The following ENPP2 variants were observed in gnomAD, a reference collection of about 807,000 sequenced individuals.
ENPP2 encodes the protein ectonucleotide pyrophosphatase/phosphodiesterase 2, also known as autotaxin.
In ENPP2, 51 loss-of-function variants were observed where a neutral mutation model predicts 120.2. The ratio of observed to expected loss-of-function variants is 0.42; its 90% CI spans 0.34 to 0.54. ENPP2 has a LOEUF of 0.54. ENPP2 is among the 20% of genes least tolerant of loss of function. The pLI, the probability that ENPP2 is intolerant of heterozygous loss-of-function variation, is 0.04. For synonymous variants in ENPP2, 365 were observed against 366.4 expected, an observed-to-expected ratio of 1.00 and a Z score of 0.04; for missense variants, 920 against 1,066.5, an observed-to-expected ratio of 0.86 and a Z score of 1.91.
chr8:119,652,220 T>C (rs1277710194), intron 1 of ENPP2, among the ~76,000 whole-genome samples: 1 of 152,110 alleles, frequency 6.6e-6, no homozygotes, highest in East Asian at 1.9e-4. Flanking sequence ...GTGGGGTCTT[T>C]TATATAAGAA....
chr8:119,581,771 T>TC (rs1812757041), intron 18 of ENPP2, among the ~76,000 whole-genome samples: 2 of 151,546 alleles, frequency 1.3e-5, no homozygotes, highest in Non-Finnish European at 2.9e-5. Context: ...TCCTTTTTTT[T>TC]TTTTTTGAGT....
At chr8:119,631,278 G>A (rs534014786) in intron 2 of ENPP2, among the ~76,000 whole-genome samples, 44 of 130,084 alleles carry the variant, frequency 3.4e-4, no homozygotes, top group Admixed American at 2.4e-3. Flanking sequence ...GTGCAGTGGC[G>A]CAATCTTGGC....
chr8:119,562,817 T>TA, intron 24 of ENPP2, 40 bp downstream of exon 24: 2 of 1,590,468 alleles, frequency 1.3e-6, no homozygotes, highest in Non-Finnish European at 1.7e-6. Context: ...GAAGGTGAAC[T>TA]ATGGAAGCAA....
intron 24 of ENPP2, 128 bp downstream of exon 24, chr8:119,562,729 C>T: frequency 2.1e-6 from 2 of 957,602 alleles, no homozygotes; most frequent in Non-Finnish European, 3.0e-6. Context: ...TGTTTGGTTC[C>T]TTTCTTTTTT....
At chr8:119,580,192 G>GA in intron 18 of ENPP2, 25 bp from the exon 19 acceptor site, 1 of 1,592,646 alleles carries the variant, frequency 6.3e-7, no homozygotes, top group South Asian at 1.1e-5. Context: ...ACCAGTAAAG[G>GA]AAAAAAGAAA....
intron 1 of ENPP2, among the ~76,000 whole-genome samples, chr8:119,653,053 A>T (rs544259067): frequency 6.6e-6 from 1 of 152,256 alleles, no homozygotes; most frequent in African/African-American, 2.4e-5. Context: ...GGCTTCTTTA[A>T]TAATGATTCC....
chr8:119,622,772 T>C (rs1300479881), intron 3 of ENPP2, among the ~76,000 whole-genome samples: 1 of 152,152 alleles, frequency 6.6e-6, no homozygotes, highest in Non-Finnish European at 1.5e-5. Context: ...AGTTAACTCA[T>C]TTACTCATTG....
In ENPP2 at chr8:119,617,169, C is replaced by A; in HGVS notation, c.652G>T (p.Ala218Ser). 1 of 1,607,606 alleles carries A rather than the reference C, an allele frequency of 6.2e-7. No individual in the cohort carries two copies. Among genetic ancestry groups the A allele is most frequent in the Non-Finnish European group, 8.5e-7 (1 of 1,174,200 alleles). Reference protein sequence around the residue: ...TKTFPNLYTLATGLYPESHGI... With the variant: ...TKTFPNLYTLSTGLYPESHGI... Reference sequence around the variant, plus strand: ...TCATTCGAAAAAATACTTACAGTGGCCAAAGTGTATAAGTTAGGAAAGGTT... The same window carrying A: ...TCATTCGAAAAAATACTTACAGTGGACAAAGTGTATAAGTTAGGAAAGGTT... Residue 218 changes from alanine (A) to serine (S), a missense_variant, in exon 7 of 25, where the codon GCC becomes TCC. Transcript: ENST00000075322.
In ENPP2 at chr8:119,604,067, G is replaced by C. The variant is rs112476122; in HGVS notation, c.834-2605C>G. The stretch of plus-strand genomic sequence containing the variant: ...TGTTGAGATGGAGTCTTGCTCTGTC[G>C]CCTAGGCTGGAGTGCAGTGACACAA... On this transcript the variant is annotated intron_variant, in intron 9 of 24. Coordinates refer to ENST00000075322, the MANE Select transcript of ENPP2 (RefSeq NM_001040092.3). Among the ~76,000 whole-genome samples, 84 of 142,364 alleles carry C rather than the reference G, an allele frequency of 5.9e-4. 1 individual carries two copies. The highest frequency in any genetic ancestry group is 2.2e-3 in the African/African-American group (82 of 38,020). The allele number at this position is 142,364 out of a possible 152,430, so 93.4% of individuals were successfully genotyped here.
At chr8:119,584,477 C>A (rs1454597670) in intron 15 of ENPP2, among the ~76,000 whole-genome samples, 1 of 152,080 alleles carries the variant, frequency 6.6e-6, no homozygotes, top group Non-Finnish European at 1.5e-5. Flanking sequence ...TGATGTCTCA[C>A]CTATTATATA....
At chr8:119,602,322 T>C (rs1438280722) in intron 9 of ENPP2, among the ~76,000 whole-genome samples, 1 of 152,050 alleles carries the variant, frequency 6.6e-6, no homozygotes, top group East Asian at 1.9e-4. Context: ...CCAGGCATGG[T>C]GGCACATGCC....
intron 14 of ENPP2, 85 bp downstream of exon 14, chr8:119,586,959 G>T: frequency 8.7e-7 from 1 of 1,144,050 alleles, no homozygotes; most frequent in Non-Finnish European, 1.3e-6. Flanking sequence ...ACCCCTCCCC[G>T]CCGGGGGAGG....
Position 119,604,849 on chromosome 8 carries a change from C to G in ENPP2, c.833+3073G>C, listed in dbSNP as rs562643285. 1.4e-3 allele frequency among the ~76,000 whole-genome samples: 216 copies of G among 152,270 alleles called. 1 individual carries two copies. Among genetic ancestry groups the G allele is most frequent in the South Asian group, 5.4e-3 (26 of 4,828 alleles). ...AGTGCAGTGGCATGGTCTCGGCTCA[C>G]TGCAAGCTCCGCCTCCTGGGTTCAC... is the stretch of plus-strand genomic sequence containing the variant. On this transcript the variant is annotated intron_variant, in intron 9 of 24. Coordinates refer to ENST00000075322, the MANE Select transcript of ENPP2 (RefSeq NM_001040092.3).
At chr8:119,569,424 G>A in intron 20 of ENPP2, 54 bp from the exon 21 acceptor site, 1 of 1,584,750 alleles carries the variant, frequency 6.3e-7, no homozygotes. Context: ...ACGAACGGCT[G>A]AAATCAAAAC....
At chr8:119,618,425 T>C in intron 5 of ENPP2, 2 of 445,292 alleles carry the variant, frequency 4.5e-6, no homozygotes, top group Non-Finnish European at 8.9e-6. Context: ...AGTGTGGAAC[T>C]GGGCACACTT....
At chr8:119,588,276 T>G (rs1466632759) in intron 13 of ENPP2, among the ~76,000 whole-genome samples, 1 of 152,086 alleles carries the variant, frequency 6.6e-6, no homozygotes, top group African/African-American at 2.4e-5. Flanking sequence ...ATGCCTGTAA[T>G]CCCAGCACTT....
At position 119,586,288 on chromosome 8, in the gene ENPP2, T is replaced by C. The variant is rs750980378; in HGVS notation, c.1265A>G (p.Lys422Arg). The stretch of plus-strand genomic sequence containing the variant: ...GGGAAGGTGCTGTTTCAAGTAAGGC[T>C]TAAAGTGCTGATCTGGTTTTTTACA... Reference protein sequence around the residue: ...LTCKKPDQHFKPYLKQHLPKR... With the variant: ...LTCKKPDQHFRPYLKQHLPKR... The change falls in exon 15 of 25, where the codon AAG (lysine) becomes AGG (arginine). Residue 422 changes from lysine to arginine, a missense_variant. Transcript: ENST00000075322. 1 of 1,614,014 alleles carries C rather than the reference T, an allele frequency of 6.2e-7. No individual in the cohort carries two copies. Among genetic ancestry groups the C allele is most frequent in the South Asian group, 1.1e-5 (1 of 91,070 alleles).
intron 11 of ENPP2, among the ~76,000 whole-genome samples, chr8:119,600,215 T>C (rs887154517): frequency 3.9e-5 from 6 of 152,162 alleles, no homozygotes; most frequent in Non-Finnish European, 5.9e-5. Flanking sequence ...GTTGATTGTA[T>C]TATATCTGCC....
intron 21 of ENPP2, among the ~76,000 whole-genome samples, chr8:119,569,014 C>G (rs3765047): frequency 0.047 from 7,135 of 152,224 alleles, 254 homozygotes; most frequent in South Asian, 0.12. Context: ...AGGCGGGACA[C>G]AGAAGATTCC....
Sources: allele counts gnomAD v4.1 joint callset (sites outside exome capture counted in the v4.1 genomes callset), GRCh38; gene constraint gnomAD v4.1.1; transcripts MANE v1.5; gene names NCBI Gene and HGNC (gene_info 2026-07-23, HGNC 2026-07-21).